The following SPINT4 variants were observed in gnomAD, a reference collection of about 807,000 sequenced individuals.
The protein encoded by SPINT4 is kunitz-type protease inhibitor 4.
Under a neutral mutation model 9.4 loss-of-function variants are expected in SPINT4, and 7 were observed. The observed-to-expected ratio is 0.74, with a 90% CI of 0.42 to 1.40. The LOEUF is 1.40. SPINT4 is among the 40% of genes most tolerant of loss of function. The probability of loss-of-function intolerance (pLI) is 0.01; values close to 1 mark genes in which losing one functional copy is unlikely to be tolerated. For missense variants in SPINT4, 105 were observed against 114.4 expected (o/e 0.92, Z 0.37); for synonymous variants, 36 against 39.9 (o/e 0.90, Z 0.37).
At position 45,723,976 on chromosome 20, in the gene SPINT4, T is replaced by A; in HGVS notation, c.212T>A (p.Phe71Tyr). The change falls in exon 2 of 3, where the codon TTC becomes TAC. Residue 71 changes from phenylalanine (F) to tyrosine (Y), a missense_variant. Physicochemically the swap from Phe to Tyr is conservative, Grantham distance 22 (BLOSUM62 3). Transcript: ENST00000279058. ...TCCAAAAGATGTGAAACTTTTGTCT[T>A]CTCCGGCTGTAATGGCAACCTTAAC... is the stretch of plus-strand genomic sequence containing the variant. ...RTSKRCETFV[F>Y]SGCNGNLNNF... 1.2e-6 allele frequency: 2 copies of A among 1,610,826 alleles called. No individual in the cohort carries two copies. The highest frequency in any genetic ancestry group is 1.7e-6 in the Non-Finnish European group (2 of 1,179,114).
chr20:45,722,598 C>T (rs576360300), intron 1 of SPINT4, 116 bp downstream of exon 1: 9 of 731,138 alleles, frequency 1.2e-5, no homozygotes, highest in Admixed American at 9.2e-5. Flanking sequence ...CATGACAATA[C>T]CCATAGACAC....
chr20:45,724,380 C>T (rs189501374), intron 2 of SPINT4, among the ~76,000 whole-genome samples: 13 of 151,372 alleles, frequency 8.6e-5, no homozygotes, highest in African/African-American at 2.9e-4. Context: ...CCCAGCTACT[C>T]GGGAGGCTGA....
In SPINT4 at chr20:45,723,923, T is replaced by A. The variant is rs774718188; in HGVS notation, c.159T>A (p.Val53=). 3.1e-6 allele frequency: 5 copies of A among 1,602,724 alleles called. No homozygotes were observed. The highest frequency in any genetic ancestry group is 8.5e-7 in the Non-Finnish European group (1 of 1,177,246). The part of the protein sequence containing the change: ...LDMNFGSCYE[V]HFRYFYNRTS... ...TGAATTTTGGAAGCTGCTATGAAGT[T>A]CACTTTAGATATTTCTACAACAGAA... Residue 53 remains valine (V), a synonymous_variant, in exon 2 of 3, where the codon GTT becomes GTA. Transcript: ENST00000279058.
At chr20:45,724,105 A>C (rs1160286009) in intron 2 of SPINT4, 48 bp downstream of exon 2, 3 of 1,541,222 alleles carry the variant, frequency 1.9e-6, no homozygotes, top group South Asian at 2.5e-5. Flanking sequence ...GTAAAAGAAG[A>C]GGTTTTGACA....
chr20:45,723,357 T>A (rs1984847349), intron 1 of SPINT4, among the ~76,000 whole-genome samples: 1 of 152,050 alleles, frequency 6.6e-6, no homozygotes, highest in Non-Finnish European at 1.5e-5. Context: ...TGAACGAGCA[T>A]CACCCCAAGG....
Position 45,723,883 on chromosome 20 carries a change from C to G in SPINT4, c.119C>G (p.Pro40Arg), listed in dbSNP as rs781524687. Residue 40 changes from proline to arginine, a missense_variant, in exon 2 of 3, where the codon CCC becomes CGC. By Grantham distance (103) the Pro-to-Arg change is moderately radical. Coordinates refer to ENST00000279058, the MANE Select transcript of SPINT4 (RefSeq NM_178455.3). Reference protein sequence around the residue: ...AEKICGDLKDPCKLDMNFGSC... With the variant: ...AEKICGDLKDRCKLDMNFGSC... ...TCAATGGGAACCTCTCATGCAGATC[C>G]CTGCAAATTGGACATGAATTTTGGA... The G allele has an allele frequency of 2.5e-6, 4 of 1,584,822 alleles. No homozygotes were observed. The highest frequency in any genetic ancestry group is 1.4e-5 in the African/African-American group (1 of 72,334).
intron 2 of SPINT4, among the ~76,000 whole-genome samples, chr20:45,724,398 G>C (rs1282160469): frequency 6.6e-6 from 1 of 151,186 alleles, no homozygotes; most frequent in Non-Finnish European, 1.5e-5. Flanking sequence ...TGAGGCAGGA[G>C]AATCACTTGA....
At chr20:45,723,792 C>A (rs1025995283) in intron 1 of SPINT4, 88 bp from the exon 2 acceptor site, 1 of 1,098,846 alleles carries the variant, frequency 9.1e-7, no homozygotes. Context: ...CCAGGCTAAA[C>A]GTAGGAATTT....
chr20:45,725,661 T>C lies in SPINT4; in HGVS notation c.*26T>C, dbSNP rs371317012. On this transcript the variant is annotated 3_prime_UTR_variant, in exon 3 of 3. Transcript: ENST00000279058. ...GAGGATGTGAACTCATGAAGTTGTC[T>C]GCTGCACCATCCGAAATAAAGACAC... 1.2e-6 allele frequency: 2 copies of C among 1,613,120 alleles called. No homozygotes were observed. The highest frequency in any genetic ancestry group is 1.7e-6 in the Non-Finnish European group (2 of 1,179,224).
At chr20:45,723,837 T>C in intron 1 of SPINT4, 43 bp from the exon 2 acceptor site, 1 of 1,509,130 alleles carries the variant, frequency 6.6e-7, no homozygotes, top group Non-Finnish European at 8.9e-7. Context: ...TCCTGCTGAG[T>C]CCTTACCAAT....
chr20:45,724,371 C>T (rs2021501), intron 2 of SPINT4, among the ~76,000 whole-genome samples: 70,024 of 151,002 alleles, frequency 0.46, 17,849 homozygotes, highest in African/African-American at 0.67. Context: ...GCCTGTAATC[C>T]CAGCTACTCG....
At chr20:45,723,479 G>A (rs547518345) in intron 1 of SPINT4, among the ~76,000 whole-genome samples, 1 of 152,194 alleles carries the variant, frequency 6.6e-6, no homozygotes, top group South Asian at 2.1e-4. Flanking sequence ...TGGGGAGGAG[G>A]CACTCTGAAT....
In SPINT4 at chr20:45,724,534, C is replaced by A. The variant is rs659242; in HGVS notation, c.293+477C>A. Among the ~76,000 whole-genome samples, 138 of 120,572 alleles carry A rather than the reference C, an allele frequency of 1.1e-3. 3 individuals are homozygous for A. Among genetic ancestry groups the A allele is most frequent in the East Asian group, 7.6e-3 (19 of 2,516 alleles). The allele number at this position is 120,572 out of a possible 152,430, so 79.1% of individuals were successfully genotyped here. ...ATCTAAAAAAAAAAAAAAAAAAAAA[C>A]CACATTTGGGTGGGCTGTCAGGATC... On this transcript the variant is annotated intron_variant, in intron 2 of 2. Coordinates refer to ENST00000279058, the MANE Select transcript of SPINT4 (RefSeq NM_178455.3).
intron 1 of SPINT4, among the ~76,000 whole-genome samples, chr20:45,723,058 C>T (rs1324322727): frequency 6.6e-6 from 1 of 152,072 alleles, no homozygotes; most frequent in East Asian, 1.9e-4. Context: ...GATATGTGCC[C>T]TTGGACAAGT....
intron 2 of SPINT4, among the ~76,000 whole-genome samples, chr20:45,725,013 T>TATACACATATATATATATATACAC (rs1555809001): frequency 3.8e-4 from 19 of 49,502 alleles, no homozygotes; most frequent in African/African-American, 1.1e-3. Context: ...TATATATATA[T>TATACACATATATATATATATACAC]ATATATATAT....
chr20:45,723,982 G>T lies in SPINT4; in HGVS notation c.218G>T (p.Gly73Val), dbSNP rs1244916874. ...SKRCETFVFSGCNGNLNNFKL... is the reference protein window; with the variant it reads ...SKRCETFVFSVCNGNLNNFKL... The stretch of plus-strand genomic sequence containing the variant: ...AGATGTGAAACTTTTGTCTTCTCCG[G>T]CTGTAATGGCAACCTTAACAACTTC... Residue 73 changes from glycine (G) to valine (V), a missense_variant, in exon 2 of 3, where the codon GGC becomes GTC. Physicochemically the swap from Gly to Val is moderately radical, Grantham distance 109. Coordinates refer to ENST00000279058, the MANE Select transcript of SPINT4 (RefSeq NM_178455.3). 6.2e-7 allele frequency: 1 copy of T among 1,610,462 alleles called. No individual in the cohort carries two copies. Among genetic ancestry groups the T allele is most frequent in the East Asian group, 2.2e-5 (1 of 44,752 alleles).
Position 45,723,820 on chromosome 20 carries a change from C to T in SPINT4, c.116-60C>T, listed in dbSNP as rs954586926. ...AGGAATTTTTAAGGGCCCATAAAGA[C>T]AAGTTCTCCTGCTGAGTCCTTACCA... On this transcript the variant is annotated intron_variant, in intron 1 of 2. Coordinates refer to ENST00000279058, the MANE Select transcript of SPINT4 (RefSeq NM_178455.3). The T allele has an allele frequency of 7.1e-6, 10 of 1,404,068 alleles. No individual in the cohort carries two copies. The African/African-American group carries it at 1.5e-4, about 21-fold the overall frequency. 87.0% of individuals were successfully genotyped at this position (1,404,068 alleles called of 1,614,324 possible).
rs761783176 is a variant in SPINT4, at chr20:45,722,421, G to C, written c.54G>C (p.Leu18Phe). 1.2e-6 allele frequency: 2 copies of C among 1,613,730 alleles called. No individual in the cohort carries two copies. Among genetic ancestry groups the C allele is most frequent in the Non-Finnish European group, 1.7e-6 (2 of 1,179,742 alleles). ...TAAGATTCTTCATCTTCTGCTCATTGAATACCCTGTTATTGGGTGGTGTTA... is the reference window on the plus strand; with the variant it reads ...TAAGATTCTTCATCTTCTGCTCATTCAATACCCTGTTATTGGGTGGTGTTA... The part of the protein sequence containing the change: ...FLLRFFIFCS[L>F]NTLLLGGVNK... The change falls in exon 1 of 3, where the codon TTG becomes TTC. Residue 18 changes from leucine to phenylalanine, a missense_variant. Physicochemically the swap from Leu to Phe is conservative, Grantham distance 22. Transcript: ENST00000279058.
At chr20:45,722,538 G>A (rs8117746) in intron 1 of SPINT4, 56 bp downstream of exon 1, 1 of 1,312,300 alleles carries the variant, frequency 7.6e-7, no homozygotes, top group Non-Finnish European at 1.1e-6. Flanking sequence ...GAGAGAGAAG[G>A]TATTGGGAGA....
Sources: gnomAD v4.1 joint callset for allele counts (sites outside exome capture counted in the v4.1 genomes callset) on GRCh38, gnomAD v4.1.1 for gene constraint, MANE v1.5 for transcripts, NCBI Gene and HGNC (gene_info 2026-07-23, HGNC 2026-07-21) for gene names.